The following ACTR6 variants were observed in gnomAD, a reference collection of about 807,000 sequenced individuals.
The protein encoded by ACTR6 is actin related protein 6.
Under a neutral mutation model 52.5 loss-of-function variants are expected in ACTR6, and 50 were observed. That is an observed-to-expected ratio of 0.95 (90% CI 0.76 to 1.20). The LOEUF (loss-of-function observed/expected upper bound fraction) is 1.20. Ranked by LOEUF, ACTR6 falls within the 50% of genes most tolerant of loss-of-function variation. The probability of loss-of-function intolerance (pLI) is 0.00; values close to 1 mark genes in which losing one functional copy is unlikely to be tolerated. For synonymous variants in ACTR6, 135 were observed against 147.2 expected (o/e 0.92, Z 0.60); for missense variants, 344 against 472.4 (o/e 0.73, Z 2.52).
chr12:100,219,632 C>T (rs1311571700), intron 9 of ACTR6, among the ~76,000 whole-genome samples: 1 of 152,138 alleles, frequency 6.6e-6, no homozygotes, highest in Non-Finnish European at 1.5e-5. Flanking sequence ...ACAGTCTCAG[C>T]CTACAGCAAG....
chr12:100,216,392 C>G (rs1030388942), intron 8 of ACTR6, among the ~76,000 whole-genome samples: 1 of 152,228 alleles, frequency 6.6e-6, no homozygotes, highest in Non-Finnish European at 1.5e-5. Flanking sequence ...GCCTCAACTC[C>G]TGGGCCCAAG....
chr12:100,207,496 G>T (rs2096115836), intron 3 of ACTR6, among the ~76,000 whole-genome samples, 167 bp from the exon 4 acceptor site: 1 of 152,092 alleles, frequency 6.6e-6, no homozygotes. Flanking sequence ...TATGAACTTG[G>T]TCACTTATTT....
chr12:100,201,831 C>T (rs974667431), intron 1 of ACTR6, among the ~76,000 whole-genome samples: 1 of 152,158 alleles, frequency 6.6e-6, no homozygotes, highest in Non-Finnish European at 1.5e-5. Context: ...TCATGTTGGC[C>T]AGGCCGGTCT....
At chr12:100,202,042 ATG>A (rs2153899764) in intron 1 of ACTR6, among the ~76,000 whole-genome samples, 1 of 148,418 alleles carries the variant, frequency 6.7e-6, no homozygotes, top group African/African-American at 2.5e-5. Flanking sequence ...AGCCATTCTC[ATG>A]CCTCAGCCTC....
intron 1 of ACTR6, 105 bp from the exon 2 acceptor site, chr12:100,204,835 A>G (rs1381649508): frequency 1.4e-6 from 1 of 718,318 alleles, no homozygotes; most frequent in Non-Finnish European, 2.4e-6. Context: ...TGGATATACC[A>G]ATCTTAGGAT....
Position 100,212,537 on chromosome 12 carries a change from T to C in ACTR6, c.750+9T>C, listed in dbSNP as rs368885356. 1.2e-6 allele frequency: 2 copies of C among 1,604,704 alleles called. No homozygotes were observed. Among genetic ancestry groups the C allele is most frequent in the Non-Finnish European group, 8.5e-7 (1 of 1,171,708 alleles). ...AAAAGGGCTTTTGTAAGGTAATTTTTAAAAACCATCAATGGTTGGTTGCTG... is the reference window on the plus strand; with the variant it reads ...AAAAGGGCTTTTGTAAGGTAATTTTCAAAAACCATCAATGGTTGGTTGCTG... On this transcript the variant is annotated intron_variant, in intron 8 of 10. Coordinates refer to ENST00000188312, the MANE Select transcript of ACTR6 (RefSeq NM_022496.5).
chr12:100,223,169 C>T (rs907928375), intron 10 of ACTR6, among the ~76,000 whole-genome samples: 4 of 151,518 alleles, frequency 2.6e-5, no homozygotes, highest in African/African-American at 4.8e-5. Flanking sequence ...GAAACCCCAC[C>T]TCTACTAAAA....
intron 8 of ACTR6, among the ~76,000 whole-genome samples, chr12:100,214,634 C>G (rs2096122598): frequency 6.6e-6 from 1 of 152,022 alleles, no homozygotes; most frequent in Admixed American, 6.5e-5. Flanking sequence ...ACTCAGGAGG[C>G]CGAGTTGGGA....
chr12:100,204,500 A>G (rs755689833), intron 1 of ACTR6, among the ~76,000 whole-genome samples: 1 of 152,098 alleles, frequency 6.6e-6, no homozygotes, highest in African/African-American at 2.4e-5. Flanking sequence ...GGCTGGGACT[A>G]CAGGCATGTG....
In ACTR6 at chr12:100,218,762, G is replaced by GT. The variant is rs926355529; in HGVS notation, c.922+185dup. On this transcript the variant is annotated intron_variant, in intron 9 of 10. Coordinates refer to ENST00000188312, the MANE Select transcript of ACTR6 (RefSeq NM_022496.5). This position sits in a 1 kb window ranked among gnomAD's most constrained non-coding sequence, Gnocchi z 4.2. ...ATTCTTGATTCATCTTTGATTATAA[G>GT]TTTTTTTTTGTGATTATAAATTCGA... is the stretch of plus-strand genomic sequence containing the variant. Among the ~76,000 whole-genome samples, 448 of 150,678 alleles carry GT rather than the reference G, an allele frequency of 3.0e-3. 3 individuals are homozygous for GT. The highest frequency in any genetic ancestry group is 0.01 in the African/African-American group (424 of 40,690).
intron 8 of ACTR6, among the ~76,000 whole-genome samples, chr12:100,214,212 A>G (rs1255576887): frequency 6.6e-6 from 1 of 152,330 alleles, no homozygotes; most frequent in Non-Finnish European, 1.5e-5. Context: ...AGTATAAAAA[A>G]CTATGTATGT....
At chr12:100,208,104 T>G in intron 4 of ACTR6, 2 of 260,296 alleles carry the variant, frequency 7.7e-6, no homozygotes, top group Non-Finnish European at 1.5e-5. Context: ...GAAGCCGCAG[T>G]GAGCTATGAT....
In ACTR6 at chr12:100,212,493, C is replaced by T. The variant is rs762039603; in HGVS notation, c.715C>T (p.Pro239Ser). 3 of 1,613,650 alleles carry T rather than the reference C, an allele frequency of 1.9e-6. No individual in the cohort carries two copies. Among genetic ancestry groups the T allele is most frequent in the African/African-American group, 1.3e-5 (1 of 74,840 alleles). Residue 239 changes from proline (P) to serine (S), a missense_variant, in exon 8 of 11, where the codon CCT becomes TCT. Coordinates refer to ENST00000188312, the MANE Select transcript of ACTR6 (RefSeq NM_022496.5). ...TACAGTAATGATAGACTATGTCTTG[C>T]CTGACTTCAGTACAATTAAAAAGGG... is the stretch of plus-strand genomic sequence containing the variant. ...ENTVMIDYVL[P>S]DFSTIKKGFC...
intron 8 of ACTR6, among the ~76,000 whole-genome samples, chr12:100,216,813 A>T (rs995900192): frequency 1.3e-5 from 2 of 148,254 alleles, no homozygotes; most frequent in African/African-American, 5.3e-5. Flanking sequence ...CTTTGTTACT[A>T]TATAACAATA....
Position 100,219,911 on chromosome 12 carries a change from T to C in ACTR6, c.923-97T>C, listed in dbSNP as rs568737031. On this transcript the variant is annotated intron_variant, in intron 9 of 10. Transcript: ENST00000188312. ...TCCCACCAGTAACTGTAATCCCTAA[T>C]TGCTTCTTATCTGATCCCTCATCCA... The C allele has an allele frequency of 8.5e-6, 11 of 1,288,660 alleles. No homozygotes were observed. In the African/African-American group the frequency reaches 1.6e-4, roughly 19 times the overall value. The allele number at this position is 1,288,660 out of a possible 1,614,324, so 79.8% of individuals were successfully genotyped here. A position where few individuals can be genotyped will look rare whatever the true frequency, so the allele number is the denominator to read the frequency against.
At chr12:100,219,700 CTA>C (rs2096126589) in intron 9 of ACTR6, among the ~76,000 whole-genome samples, 1 of 152,100 alleles carries the variant, frequency 6.6e-6, no homozygotes, top group Non-Finnish European at 1.5e-5. Context: ...GTTTTTTTTA[CTA>C]CAGTGTCACT....
chr12:100,212,663 A>G, intron 8 of ACTR6, 135 bp downstream of exon 8: 1 of 608,656 alleles, frequency 1.6e-6, no homozygotes, highest in Non-Finnish European at 2.9e-6. Context: ...ATAAAATTAA[A>G]AAAAAAATCA....
At chr12:100,206,234 T>A (rs1400518659) in intron 3 of ACTR6, 1 of 152,234 alleles carries the variant, frequency 6.6e-6, no homozygotes, top group Admixed American at 6.6e-5. Context: ...ATCCCAGCAC[T>A]TTGGGAGGCT....
At chr12:100,221,276 T>C (rs2096128088) in intron 10 of ACTR6, among the ~76,000 whole-genome samples, 1 of 152,178 alleles carries the variant, frequency 6.6e-6, no homozygotes, top group African/African-American at 2.4e-5. Flanking sequence ...TACCTGACTC[T>C]TAATTCTAGA....
Sources: gnomAD v4.1 joint callset for allele counts (sites outside exome capture counted in the v4.1 genomes callset) on GRCh38, gnomAD v4.1.1 for gene constraint, Gnocchi (gnomAD v3.1) non-coding constraint, MANE v1.5 for transcripts, NCBI Gene and HGNC (gene_info 2026-07-23, HGNC 2026-07-21) for gene names.